SATB1: variants seen among roughly 807,000 people sequenced by gnomAD.
The protein encoded by SATB1 is SATB homeobox 1.
A neutral mutation model predicts 86.9 loss-of-function variants in SATB1; 11 were observed. That is an observed-to-expected ratio of 0.13 (90% CI 0.08 to 0.21). The LOEUF (loss-of-function observed/expected upper bound fraction) is 0.21. SATB1 is among the 10% of genes least tolerant of loss of function. The pLI, the probability that SATB1 is intolerant of heterozygous loss-of-function variation, is 1.00. For synonymous variants in SATB1, 357 were observed against 357.2 expected (o/e 1.00, Z 0.01); for missense variants, 551 against 937.6 (o/e 0.59, Z 5.39).
chr3:18,397,644 T>C (rs920438587), intron 5 of SATB1, among the ~76,000 whole-genome samples: 1 of 152,174 alleles, frequency 6.6e-6, no homozygotes, highest in Admixed American at 6.5e-5. Flanking sequence ...GACTCATAAA[T>C]ATACGAGACT....
rs1456988644 is a variant in SATB1, at chr3:18,444,136, T to C, written c.-25+1382A>G. Among the ~76,000 whole-genome samples, 1 of 151,856 alleles carries C rather than the reference T, an allele frequency of 6.6e-6. No homozygotes were observed. Among genetic ancestry groups the C allele is most frequent in the Non-Finnish European group, 1.5e-5 (1 of 67,964 alleles). On this transcript the variant is annotated intron_variant, in intron 1 of 3. Coordinates refer to the SATB1 transcript ENST00000415069. This position sits in a 1 kb window ranked among gnomAD's most constrained non-coding sequence, Gnocchi z 5.1. ...AGACTCGCGATCCGGTGGGGGAACA[T>C]TACCACTCCCGCAGCCCACTCCTCC...
At chr3:18,369,810 G>A (rs556694615) in intron 9 of SATB1, among the ~76,000 whole-genome samples, 3 of 152,302 alleles carry the variant, frequency 2.0e-5, no homozygotes, top group East Asian at 1.9e-4. Flanking sequence ...TGCTGGTAGC[G>A]GCAGTTAAAT....
chr3:18,416,436 C>T (rs567813296), intron 3 of SATB1, among the ~76,000 whole-genome samples: 7 of 152,118 alleles, frequency 4.6e-5, no homozygotes, highest in South Asian at 4.1e-4. Context: ...AAGACATAGC[C>T]GAACCAGTTC....
In SATB1 at chr3:18,394,109, C is replaced by A. The variant is rs9858924; in HGVS notation, c.1206+353G>T. On this transcript the variant is annotated intron_variant, in intron 7 of 10. Transcript: ENST00000338745. The surrounding 1 kb of genome is among the most constrained non-coding windows in gnomAD (Gnocchi z 5.9). ...AGACAATAGGCTAGAAGCCTGGAAT[C>A]CTGCCAATAGCCTTGACTGAGTCAT... is the stretch of plus-strand genomic sequence containing the variant. Among the ~76,000 whole-genome samples, 51,409 of 152,078 alleles carry A rather than the reference C, an allele frequency of 0.34. 9,413 individuals are homozygous for A. The highest frequency in any genetic ancestry group is 0.46 in the Admixed American group (7,098 of 15,284).
chr3:18,367,199 T>G (rs1695230093), intron 9 of SATB1, among the ~76,000 whole-genome samples: 2 of 152,310 alleles, frequency 1.3e-5, no homozygotes, highest in South Asian at 4.1e-4. Context: ...TACAAGTTGT[T>G]AGGTAAAACA....
chr3:18,390,277 C>G (rs1559425847), intron 7 of SATB1, among the ~76,000 whole-genome samples: 1 of 152,086 alleles, frequency 6.6e-6, no homozygotes, highest in African/African-American at 2.4e-5. Flanking sequence ...TCAAAGCCCT[C>G]AGGAAGAAAA....
At chr3:18,427,020 T>C (rs555329331), upstream of SATB1, among the ~76,000 whole-genome samples, 2 of 152,290 alleles carry the variant, frequency 1.3e-5, no homozygotes, top group East Asian at 1.9e-4. Flanking sequence ...ACCGTGAATC[T>C]TGGCACACAA....
In SATB1 at chr3:18,386,932, T is replaced by C. The variant is rs138376033; in HGVS notation, c.1207-321A>G. Among the ~76,000 whole-genome samples, 16 of 152,298 alleles carry C rather than the reference T, an allele frequency of 1.1e-4. No individual in the cohort carries two copies. The highest frequency in any genetic ancestry group is 2.9e-4 in the African/African-American group (12 of 41,574). ...TTAAGAATAAACGAAATCCTTATAA[T>C]GCAACAGCACTGAACTGTATAGTTC... On this transcript the variant is annotated intron_variant, in intron 7 of 10. Coordinates refer to ENST00000338745, the MANE Select transcript of SATB1 (RefSeq NM_002971.6). The surrounding 1 kb of genome is among the most constrained non-coding windows in gnomAD (Gnocchi z 4.5).
intron 1 of SATB1, chr3:18,445,266 A>G: frequency 3.1e-6 from 3 of 982,406 alleles, no homozygotes; most frequent in Non-Finnish European, 3.6e-6. Context: ...GGCGCACTGA[A>G]GCCCGAGCCG....
At chr3:18,358,734 T>C (rs934868866) in intron 9 of SATB1, among the ~76,000 whole-genome samples, 1 of 152,038 alleles carries the variant, frequency 6.6e-6, no homozygotes, top group Admixed American at 6.6e-5. Context: ...GATACTCATA[T>C]TTGCTGAAAG....
intron 5 of SATB1, among the ~76,000 whole-genome samples, chr3:18,413,937 A>G (rs1697992600): frequency 6.6e-6 from 1 of 152,094 alleles, no homozygotes; most frequent in Admixed American, 6.6e-5. Context: ...ATGAAACAGA[A>G]GCACAAAGCT....
intron 9 of SATB1, among the ~76,000 whole-genome samples, chr3:18,365,783 A>T (rs917776116): frequency 1.3e-5 from 2 of 152,236 alleles, no homozygotes; most frequent in African/African-American, 2.4e-5. Context: ...TTTCGTCCTT[A>T]TGGTTATCCA....
Position 18,394,616 on chromosome 3 carries a change from G to T in SATB1, c.1052C>A (p.Pro351His). ...CTTATTCATAGATCTACTGACAGGG[G>T]GAGGGTGGTTCAAGTATTGTTGGTT... ...SLNQQYLNHP[P>H]PVSRSMNKPL... Residue 351 changes from proline to histidine, a missense_variant, in exon 7 of 11, where the codon CCC (proline) becomes CAC (histidine). This residue lies in a region of SATB1 where 119 missense variants were observed against 171.1 expected (regional missense o/e 0.70). Transcript: ENST00000338745. This position sits in a 1 kb window ranked among gnomAD's most constrained non-coding sequence, Gnocchi z 5.9. 6.2e-7 allele frequency: 1 copy of T among 1,614,188 alleles called. No homozygotes were observed. The highest frequency in any genetic ancestry group is 1.3e-5 in the African/African-American group (1 of 75,032).
intron 7 of SATB1, among the ~76,000 whole-genome samples, chr3:18,389,546 G>T (rs1406671990): frequency 6.6e-6 from 1 of 151,928 alleles, no homozygotes; most frequent in Non-Finnish European, 1.5e-5. Flanking sequence ...TATAATTGAA[G>T]ACATAGTACA....
intron 5 of SATB1, among the ~76,000 whole-genome samples, chr3:18,414,135 CAAATT>C (rs1223502737): frequency 6.6e-6 from 1 of 152,006 alleles, no homozygotes; most frequent in Non-Finnish European, 1.5e-5. Flanking sequence ...AATTAAAACT[CAAATT>C]AAAAGAAAAC....
intron 1 of SATB1, among the ~76,000 whole-genome samples, chr3:18,422,999 A>G (rs1413663695): frequency 6.6e-6 from 1 of 152,238 alleles, no homozygotes; most frequent in Non-Finnish European, 1.5e-5. Flanking sequence ...TGGTGTAAAA[A>G]GCTTTACATT....
chr3:18,383,813 ATAATACCTT>A (rs1696182271), intron 8 of SATB1, among the ~76,000 whole-genome samples: 1 of 152,172 alleles, frequency 6.6e-6, no homozygotes, highest in Non-Finnish European at 1.5e-5. Flanking sequence ...TTTTGCATTG[ATAATACCTT>A]TAATACCTTA....
intron 5 of SATB1, among the ~76,000 whole-genome samples, chr3:18,414,005 A>AT (rs1317468303): frequency 2.0e-5 from 3 of 152,110 alleles, no homozygotes; most frequent in Middle Eastern, 3.2e-3. Context: ...TTAGAAACAC[A>AT]TTTTGAGAAT....
rs755932486 is a variant in SATB1, at chr3:18,415,324, G to A, written c.516-90C>T. ...TTAAGACAGACAGATTTCATTTTGC[G>A]CATCAAACAGATGCATCTGGAGATT... On this transcript the variant is annotated intron_variant, in intron 4 of 10. Coordinates refer to ENST00000338745, the MANE Select transcript of SATB1 (RefSeq NM_002971.6). The A allele has an allele frequency of 1.9e-4, 276 of 1,464,064 alleles. 1 individual carries two copies. Among genetic ancestry groups the A allele is most frequent in the Non-Finnish European group, 2.4e-4 (256 of 1,060,358 alleles). 90.7% of individuals were successfully genotyped at this position (1,464,064 alleles called of 1,614,324 possible).
Sources: gnomAD v4.1 joint callset for allele counts (sites outside exome capture counted in the v4.1 genomes callset) on GRCh38, gnomAD v4.1.1 for gene constraint, gnomAD v4.1.1 regional missense constraint, Gnocchi (gnomAD v3.1) non-coding constraint, MANE v1.5 for transcripts, NCBI Gene and HGNC (gene_info 2026-07-23, HGNC 2026-07-21) for gene names.